The following ISM1 variants were observed in gnomAD, a reference collection of about 807,000 sequenced individuals.
The protein encoded by ISM1 is isthmin-1.
A neutral mutation model predicts 46.3 loss-of-function variants in ISM1; 25 were observed. The ratio of observed to expected loss-of-function variants is 0.54; its 90% CI spans 0.39 to 0.75. The LOEUF is 0.75. ISM1 is among the 30% of genes least tolerant of loss of function. ISM1 has a pLI of 0.00. For missense variants in ISM1, 536 were observed against 625.4 expected (o/e 0.86, Z 1.52); for synonymous variants, 255 against 256.7 (o/e 0.99, Z 0.06).
At chr20:13,248,162 A>C (rs1199448894) in intron 1 of ISM1, among the ~76,000 whole-genome samples, 1 of 152,136 alleles carries the variant, frequency 6.6e-6, no homozygotes, top group African/African-American at 2.4e-5. Flanking sequence ...ATAGTAGTAC[A>C]TTTCTTTGTG....
intron 1 of ISM1, among the ~76,000 whole-genome samples, chr20:13,267,016 C>T (rs1409686332): frequency 6.6e-6 from 1 of 152,138 alleles, no homozygotes; most frequent in African/African-American, 2.4e-5. Context: ...TTGTCTCCTA[C>T]CCTAGATTTA....
At chr20:13,278,903 C>T (rs564688720) in intron 2 of ISM1, among the ~76,000 whole-genome samples, 2 of 152,330 alleles carry the variant, frequency 1.3e-5, no homozygotes, top group Non-Finnish European at 2.9e-5. Flanking sequence ...GGTCTCTACA[C>T]ATGTAGTGGT....
At chr20:13,282,977 CT>C (rs1223279946) in intron 3 of ISM1, among the ~76,000 whole-genome samples, 1 of 152,212 alleles carries the variant, frequency 6.6e-6, no homozygotes, top group Non-Finnish European at 1.5e-5. Flanking sequence ...TGGAATTCAT[CT>C]TTTCCGGAAT....
At chr20:13,221,976 C>T in intron 1 of ISM1, 62 bp downstream of exon 1, 1 of 1,276,374 alleles carries the variant, frequency 7.8e-7, no homozygotes, top group Non-Finnish European at 9.9e-7. Flanking sequence ...GGCGGGGGTG[C>T]TGAGCTAGTG....
At chr20:13,224,495 C>T (rs930640882) in intron 1 of ISM1, among the ~76,000 whole-genome samples, 10 of 152,186 alleles carry the variant, frequency 6.6e-5, no homozygotes, top group Admixed American at 5.9e-4. Context: ...AAGTCTTAAA[C>T]ATCATCTAAA....
chr20:13,280,398 C>T (rs537228150), intron 3 of ISM1, among the ~76,000 whole-genome samples: 2 of 148,016 alleles, frequency 1.4e-5, no homozygotes, highest in Non-Finnish European at 3.0e-5. Flanking sequence ...GTAACCCCCC[C>T]CCCCCAATAC....
At chr20:13,280,402 C>CG (rs1164502096) in intron 3 of ISM1, among the ~76,000 whole-genome samples, 2 of 138,760 alleles carry the variant, frequency 1.4e-5, no homozygotes, top group Non-Finnish European at 3.1e-5. Context: ...CCCCCCCCCC[C>CG]CAATACATTT....
At chr20:13,322,107 T>C in the ISM1 span, among the ~76,000 whole-genome samples, 1 of 152,190 alleles carries the variant, frequency 6.6e-6, no homozygotes, top group Non-Finnish European at 1.5e-5. Context: ...ACAAGTACCG[T>C]TTTGCAAAGT....
the ISM1 span, among the ~76,000 whole-genome samples, chr20:13,310,229 T>A: frequency 6.6e-5 from 10 of 152,248 alleles, no homozygotes; most frequent in Admixed American, 4.6e-4. Flanking sequence ...GATACTAACA[T>A]ATAAATCAAT....
chr20:13,262,008 C>A (rs1339505766), intron 1 of ISM1, among the ~76,000 whole-genome samples: 1 of 152,214 alleles, frequency 6.6e-6, no homozygotes, highest in Non-Finnish European at 1.5e-5. Flanking sequence ...CCCGTTCCCT[C>A]TGGTCGTAGG....
intron 2 of ISM1, among the ~76,000 whole-genome samples, chr20:13,275,765 G>A (rs1171902414): frequency 1.3e-5 from 2 of 152,194 alleles, no homozygotes; most frequent in East Asian, 1.9e-4. Flanking sequence ...ATGCTCGTTG[G>A]TGATGATATT....
chr20:13,252,290 T>C (rs888925379), intron 1 of ISM1, among the ~76,000 whole-genome samples: 3 of 152,212 alleles, frequency 2.0e-5, no homozygotes, highest in Non-Finnish European at 2.9e-5. Flanking sequence ...ATGGCTGCTG[T>C]GTACATGCTG....
chr20:13,305,508 T>G (rs545020759), downstream of ISM1, among the ~76,000 whole-genome samples: 5 of 152,320 alleles, frequency 3.3e-5, no homozygotes, highest in East Asian at 9.6e-4. Flanking sequence ...TGTCATTCAT[T>G]TACAATTTCC....
chr20:13,298,682 G>A (rs1027147432), intron 5 of ISM1, among the ~76,000 whole-genome samples: 2 of 152,162 alleles, frequency 1.3e-5, no homozygotes, highest in African/African-American at 4.8e-5. Context: ...ATAATATAAA[G>A]TGGGGCATTT....
chr20:13,321,704 A>C, the ISM1 span, among the ~76,000 whole-genome samples: 1 of 151,968 alleles, frequency 6.6e-6, no homozygotes, highest in East Asian at 1.9e-4. Flanking sequence ...GCTACATTCA[A>C]CTCCCTCCCA....
downstream of ISM1, among the ~76,000 whole-genome samples, chr20:13,300,993 A>G (rs1192019313): frequency 2.0e-5 from 3 of 152,208 alleles, no homozygotes; most frequent in African/African-American, 7.2e-5. Flanking sequence ...CATGAAAAGT[A>G]TTCCTTTTCC....
intron 5 of ISM1, among the ~76,000 whole-genome samples, chr20:13,294,752 C>T (rs974064275): frequency 6.6e-6 from 1 of 152,226 alleles, no homozygotes; most frequent in Admixed American, 6.5e-5. Context: ...TCCCAGCTGG[C>T]AGCACCTCGA....
chr20:13,254,058 TAAAAAA>T (rs34371292), intron 1 of ISM1, among the ~76,000 whole-genome samples: 1 of 116,208 alleles, frequency 8.6e-6, no homozygotes, highest in Non-Finnish European at 1.8e-5. Context: ...TCATCTCTAC[TAAAAAA>T]AAAAAAAAAA....
chr20:13,320,212 G>T, the ISM1 span, among the ~76,000 whole-genome samples: 1 of 152,186 alleles, frequency 6.6e-6, no homozygotes, highest in African/African-American at 2.4e-5. Flanking sequence ...TTTTTCCCTG[G>T]AACTAAGACT....
Sources: gnomAD v4.1 joint callset for allele counts (sites outside exome capture counted in the v4.1 genomes callset) on GRCh38, gnomAD v4.1.1 for gene constraint, MANE v1.5 for transcripts, NCBI Gene and HGNC (gene_info 2026-07-23, HGNC 2026-07-21) for gene names.